Variants in FOXP2 observed in about 807,000 individuals in gnomAD.
FOXP2 encodes forkhead box protein P2.
In FOXP2, 12 loss-of-function variants were observed where a neutral mutation model predicts 115.8. The observed-to-expected ratio is 0.10, with a 90% confidence interval of 0.07 to 0.17. The LOEUF is 0.17. Ranked by LOEUF, FOXP2 falls within the 10% of genes least tolerant of loss-of-function variation. The pLI is 1.00. For missense variants in FOXP2, 629 were observed against 843.5 expected, an observed-to-expected ratio of 0.75 and a Z score of 3.15; for synonymous variants, 328 against 297.7, an observed-to-expected ratio of 1.10 and a Z score of -1.05.
intron 2 of FOXP2, among the ~76,000 whole-genome samples, chr7:114,486,723 T>C (rs1253662737): frequency 6.6e-6 from 1 of 152,190 alleles, no homozygotes; most frequent in Non-Finnish European, 1.5e-5. Context: ...TTGGCCAAAA[T>C]GAAGCCATGC....
chr7:114,426,773 T>C, intron 2 of FOXP2, 94 bp downstream of exon 2: 2 of 1,308,094 alleles, frequency 1.5e-6, no homozygotes, highest in Admixed American at 3.9e-5. Context: ...GCATGTTGTG[T>C]TAAGCTAAAA....
intron 3 of FOXP2, among the ~76,000 whole-genome samples, chr7:114,577,399 A>G (rs966190614): frequency 6.6e-6 from 1 of 151,982 alleles, no homozygotes; most frequent in African/African-American, 2.4e-5. Flanking sequence ...GCATCAGACA[A>G]TTTAGATGAA....
chr7:114,315,676 A>G (rs1348132785), intron 2 of FOXP2, among the ~76,000 whole-genome samples: 1 of 152,050 alleles, frequency 6.6e-6, no homozygotes, highest in African/African-American at 2.4e-5. Context: ...ACTTGCCGTA[A>G]TTATGTTCTG....
At chr7:114,688,185 A>G (rs374189108) in intron 16 of FOXP2, among the ~76,000 whole-genome samples, 6 of 139,708 alleles carry the variant, frequency 4.3e-5, no homozygotes, top group East Asian at 2.0e-4. Flanking sequence ...CTACAAACAC[A>G]CACAAACACA....
intron 3 of FOXP2, among the ~76,000 whole-genome samples, chr7:114,554,560 T>G (rs1859100): frequency 0.65 from 99,392 of 151,806 alleles, 33,444 homozygotes; most frequent in African/African-American, 0.81. Flanking sequence ...TTTTAGTATG[T>G]GTATAATCAT....
intron 2 of FOXP2, among the ~76,000 whole-genome samples, chr7:114,345,571 T>G (rs575127409): frequency 8.6e-5 from 13 of 151,934 alleles, no homozygotes; most frequent in Admixed American, 6.6e-4. Context: ...TGTTCTGAAT[T>G]TCTTTAGTGT....
chr7:114,435,381 C>G (rs1323420900), intron 2 of FOXP2, among the ~76,000 whole-genome samples: 80 of 152,024 alleles, frequency 5.3e-4, no homozygotes, highest in Admixed American at 5.3e-3. Flanking sequence ...TACACAAAGA[C>G]AGGAAGGTGT....
At chr7:114,190,601 T>C (rs1032101736) in intron 1 of FOXP2, among the ~76,000 whole-genome samples, 2 of 152,172 alleles carry the variant, frequency 1.3e-5, no homozygotes, top group African/African-American at 4.8e-5. Context: ...CAATTCCTCA[T>C]AATTGTTGTG....
chr7:114,100,914 G>A (rs1163704040), intron 1 of FOXP2, among the ~76,000 whole-genome samples: 2 of 152,140 alleles, frequency 1.3e-5, no homozygotes, highest in Non-Finnish European at 2.9e-5. Context: ...TGAATGGCAA[G>A]TCTGAGTCAC....
rs181039886 is a variant in FOXP2, at chr7:114,384,117, G to T, written c.-10-42385G>T. 3.4e-3 allele frequency among the ~76,000 whole-genome samples: 523 copies of T among 151,814 alleles called. 4 individuals carry two copies. Among genetic ancestry groups the T allele is most frequent in the African/African-American group, 0.012 (502 of 41,348 alleles). ...GACCTCTGCTTATCGGATTAGTTAC[G>T]CTCGCCGATGTAGCAGTCCTGCACC... On this transcript the variant is annotated intron_variant, in intron 2 of 17. Coordinates refer to the FOXP2 transcript ENST00000634411.
chr7:114,434,145 C>T (rs1794234100), intron 2 of FOXP2, among the ~76,000 whole-genome samples: 1 of 151,854 alleles, frequency 6.6e-6, no homozygotes, highest in Non-Finnish European at 1.5e-5. Flanking sequence ...TCACTCTCAA[C>T]ACTTCAATGT....
At position 114,659,621 on chromosome 7, in the gene FOXP2, G is replaced by A; in HGVS notation, c.1595G>A (p.Ser532Asn). 2 of 1,613,722 alleles carry A rather than the reference G, an allele frequency of 1.2e-6. No homozygotes were observed. Among genetic ancestry groups the A allele is most frequent in the South Asian group, 1.1e-5 (1 of 91,084 alleles). Residue 532 changes from serine (S) to asparagine (N), a missense_variant, in exon 13 of 17, where the codon AGC (serine) becomes AAC (asparagine). By Grantham distance (46) the Ser-to-Asn change is conservative (BLOSUM62 1). Around this residue, in one of 9 missense-constraint regions of FOXP2, gnomAD observed 26 missense variants for 61.1 expected, o/e 0.43. Coordinates refer to ENST00000350908, the MANE Select transcript of FOXP2 (RefSeq NM_014491.4). ...CAGTTAACACTTAATGAAATTTACA[G>A]CTGGTTTACACGGACATTTGCTTAC... ...DRQLTLNEIY[S>N]WFTRTFAYFR...
chr7:114,127,769 G>A (rs1005056902), intron 1 of FOXP2, among the ~76,000 whole-genome samples: 2 of 152,122 alleles, frequency 1.3e-5, no homozygotes, highest in Non-Finnish European at 2.9e-5. Context: ...TGTAATTATT[G>A]TAACTTTACT....
intron 1 of FOXP2, among the ~76,000 whole-genome samples, chr7:114,420,551 T>G (rs1254691200): frequency 6.6e-6 from 1 of 151,972 alleles, no homozygotes; most frequent in Non-Finnish European, 1.5e-5. Flanking sequence ...AGCCAGTATT[T>G]ATTTTTGTAT....
chr7:114,293,700 C>A (rs1479540357), intron 2 of FOXP2, among the ~76,000 whole-genome samples: 6 of 152,282 alleles, frequency 3.9e-5, no homozygotes, highest in African/African-American at 1.4e-4. Context: ...GGGCTTCCCC[C>A]TTCACTAGGC....
At chr7:114,612,446 T>C (rs1803687401) in intron 3 of FOXP2, among the ~76,000 whole-genome samples, 1 of 152,102 alleles carries the variant, frequency 6.6e-6, no homozygotes, top group African/African-American at 2.4e-5. Context: ...CACATATATA[T>C]ATAGTCCTCC....
At chr7:114,273,628 T>C (rs748999033) in intron 1 of FOXP2, among the ~76,000 whole-genome samples, 4 of 152,104 alleles carry the variant, frequency 2.6e-5, no homozygotes, top group Non-Finnish European at 4.4e-5. Flanking sequence ...TTTCTTGCTC[T>C]GTTGTTAGGT....
At chr7:114,461,961 A>C (rs1795577023) in intron 2 of FOXP2, among the ~76,000 whole-genome samples, 1 of 152,194 alleles carries the variant, frequency 6.6e-6, no homozygotes, top group Admixed American at 6.5e-5. Flanking sequence ...TCTGGTTTCT[A>C]TTTGTGCATG....
chr7:114,536,945 C>T (rs546268181), intron 3 of FOXP2, among the ~76,000 whole-genome samples: 10 of 151,532 alleles, frequency 6.6e-5, no homozygotes, highest in South Asian at 2.1e-4. Context: ...ACTGGAGACA[C>T]GCTGGGATTG....
Sources: allele counts gnomAD v4.1 joint callset (sites outside exome capture counted in the v4.1 genomes callset), GRCh38; gene constraint gnomAD v4.1.1; regional missense constraint gnomAD v4.1.1; transcripts MANE v1.5; gene names NCBI Gene and HGNC (gene_info 2026-07-23, HGNC 2026-07-21).